GSDMA: variants seen among roughly 807,000 people sequenced by gnomAD.
GSDMA encodes the protein gasdermin A.
In GSDMA, 55 loss-of-function variants were observed where a neutral mutation model predicts 54.3. That is an observed-to-expected ratio of 1.01 (90% CI 0.82 to 1.27). GSDMA has a LOEUF of 1.27. Ranked by LOEUF, GSDMA falls within the 50% of genes most tolerant of loss-of-function variation. The probability of loss-of-function intolerance (pLI) is 0.00; values close to 1 mark genes in which losing one functional copy is unlikely to be tolerated. For missense variants in GSDMA, 542 were observed against 542.6 expected (o/e 1.00, Z 0.01); for synonymous variants, 211 against 224.7 (o/e 0.94, Z 0.54).
At position 39,974,994 on chromosome 17, in the gene GSDMA, A is replaced by G. The variant is rs1323358800; in HGVS notation, c.1001A>G (p.Tyr334Cys). 1 of 1,610,534 alleles carries G rather than the reference A, an allele frequency of 6.2e-7. No individual in the cohort carries two copies. The change falls in exon 10 of 12, where the codon TAT (tyrosine) becomes TGT (cysteine). Residue 334 changes from tyrosine (Y) to cysteine (C), a missense_variant. Physicochemically the swap from Tyr to Cys is radical, Grantham distance 194. Transcript: ENST00000301659. ...LSKEAVGAIL[Y>C]FVGALTELSE... ...AAGGAGGCCGTGGGCGCCATCCTCTATTTCGTTGGAGCCCTAACAGGTAAG... is the reference window on the plus strand; with the variant it reads ...AAGGAGGCCGTGGGCGCCATCCTCTGTTTCGTTGGAGCCCTAACAGGTAAG...
chr17:39,971,670 C>A, intron 5 of GSDMA, 50 bp downstream of exon 5: 3 of 1,374,548 alleles, frequency 2.2e-6, no homozygotes, highest in Non-Finnish European at 3.1e-6. Context: ...TTACCTGCAC[C>A]AGTACTGAGG....
chr17:39,972,238 A>G, intron 6 of GSDMA, 62 bp downstream of exon 6: 1 of 1,127,952 alleles, frequency 8.9e-7, no homozygotes, highest in Non-Finnish European at 1.3e-6. Flanking sequence ...TTATCTGCCA[A>G]AATCCTCCAC....
chr17:39,967,301 G>T (rs1459647061), intron 3 of GSDMA, among the ~76,000 whole-genome samples: 1 of 152,222 alleles, frequency 6.6e-6, no homozygotes, highest in Non-Finnish European at 1.5e-5. Flanking sequence ...TCTGGCTGGG[G>T]AAATAAGGGA....
chr17:39,970,990 A>G (rs996935027), intron 4 of GSDMA, among the ~76,000 whole-genome samples: 2 of 152,254 alleles, frequency 1.3e-5, no homozygotes, highest in African/African-American at 4.8e-5. Context: ...TCAGGTTCAT[A>G]GAGGAGACAC....
chr17:39,965,766 C>T lies in GSDMA; in HGVS notation c.79C>T (p.Leu27Phe), dbSNP rs1410205749. 1.2e-6 allele frequency: 2 copies of T among 1,611,510 alleles called. No individual in the cohort carries two copies. Among genetic ancestry groups the T allele is most frequent in the African/African-American group, 1.3e-5 (1 of 74,980 alleles). ...PRGDLTPLDS[L>F]IDFKRFHPFC... ...AGGGGACCTGACACCACTTGACAGC[C>T]TCATCGACTTCAAGCGCTTCCATCC... Residue 27 changes from leucine to phenylalanine, a missense_variant, in exon 2 of 12, where the codon CTC becomes TTC. Physicochemically the swap from Leu to Phe is conservative, Grantham distance 22. Transcript: ENST00000301659.
At chr17:39,975,638 C>G (rs778141030) in intron 10 of GSDMA, among the ~76,000 whole-genome samples, 5 of 152,158 alleles carry the variant, frequency 3.3e-5, no homozygotes, top group Non-Finnish European at 7.4e-5. Context: ...CAGGGAGTAA[C>G]ATTTTCTTAT....
chr17:39,973,712 G>A, intron 7 of GSDMA, 98 bp from the exon 8 acceptor site: 1 of 964,002 alleles, frequency 1.0e-6, no homozygotes, highest in Admixed American at 2.2e-5. Context: ...AGACAGGCAG[G>A]ATGTATTTCC....
Position 39,965,742 on chromosome 17 carries a change from G to A in GSDMA, c.55G>A (p.Gly19Arg). The A allele has an allele frequency of 6.2e-7, 1 of 1,611,780 alleles. No homozygotes were observed. The highest frequency in any genetic ancestry group is 1.7e-5 in the Admixed American group (1 of 59,718). The change falls in exon 2 of 12, where the codon GGG becomes AGG. Residue 19 changes from glycine (G) to arginine (R), a missense_variant. Coordinates refer to ENST00000301659, the MANE Select transcript of GSDMA (RefSeq NM_178171.5). ...CCTGGCCAGACAGCTAAACCCTCGAGGGGACCTGACACCACTTGACAGCCT... is the reference window on the plus strand; with the variant it reads ...CCTGGCCAGACAGCTAAACCCTCGAAGGGACCTGACACCACTTGACAGCCT... ...RALARQLNPR[G>R]DLTPLDSLID... is the part of the protein sequence containing the mutation.
At chr17:39,975,379 G>C (rs1459408721) in intron 10 of GSDMA, among the ~76,000 whole-genome samples, 2 of 152,028 alleles carry the variant, frequency 1.3e-5, no homozygotes, top group African/African-American at 4.8e-5. Context: ...AACCCAGGAG[G>C]GGGAGGGTGC....
chr17:39,973,197 T>A (rs1980038219), intron 7 of GSDMA, among the ~76,000 whole-genome samples: 1 of 151,902 alleles, frequency 6.6e-6, no homozygotes, highest in East Asian at 1.9e-4. Flanking sequence ...GGTCTTGAAC[T>A]CCTGACCTCA....
chr17:39,971,356 TTTGAAGTC>T (rs1156812092), intron 4 of GSDMA, among the ~76,000 whole-genome samples, 160 bp from the exon 5 acceptor site: 2 of 152,120 alleles, frequency 1.3e-5, no homozygotes, highest in Non-Finnish European at 1.5e-5. Flanking sequence ...GCACAAGGAC[TTTGAAGTC>T]CTTCCTCAGA....
chr17:39,976,687 T>G, intron 11 of GSDMA, 129 bp from the exon 12 acceptor site: 1 of 1,222,764 alleles, frequency 8.2e-7, no homozygotes. Flanking sequence ...AAGACCCAGA[T>G]GGGGTTGTAA....
chr17:39,965,111 C>T (rs1472108942), intron 1 of GSDMA, among the ~76,000 whole-genome samples: 1 of 150,456 alleles, frequency 6.6e-6, no homozygotes, highest in Non-Finnish European at 1.5e-5. Flanking sequence ...CAGAGTAAGA[C>T]CCTGTCTCGG....
chr17:39,976,224 G>C (rs552975054), intron 11 of GSDMA, among the ~76,000 whole-genome samples: 1 of 152,068 alleles, frequency 6.6e-6, no homozygotes, highest in East Asian at 1.9e-4. Flanking sequence ...GATCTTGGGA[G>C]AAGAGACAGA....
intron 4 of GSDMA, among the ~76,000 whole-genome samples, 166 bp from the exon 5 acceptor site, chr17:39,971,358 T>C (rs933160895): frequency 1.3e-5 from 2 of 152,174 alleles, no homozygotes; most frequent in African/African-American, 4.8e-5. Flanking sequence ...ACAAGGACTT[T>C]GAAGTCCTTC....
chr17:39,976,369 C>T (rs534064312), intron 11 of GSDMA, among the ~76,000 whole-genome samples: 1 of 151,858 alleles, frequency 6.6e-6, no homozygotes, highest in Non-Finnish European at 1.5e-5. Flanking sequence ...ACCTCCGCCT[C>T]CCGGGTTCAA....
Position 39,970,621 on chromosome 17 carries a change from C to A in GSDMA, c.532C>A (p.Pro178Thr). The A allele has an allele frequency of 6.4e-7, 1 of 1,563,036 alleles. No individual in the cohort carries two copies. Among genetic ancestry groups the A allele is most frequent in the Non-Finnish European group, 8.7e-7 (1 of 1,155,004 alleles). The change falls in exon 4 of 12, where the codon CCC (proline) becomes ACC (threonine). Residue 178 changes from proline to threonine, a missense_variant. Transcript: ENST00000301659. ...AGKAEACFSL[P>T]FFAPLGLQGS... The stretch of plus-strand genomic sequence containing the variant: ...CAAGGCAGAGGCCTGCTTCTCCCTC[C>A]CCTTCTTCGCCCCATTGGGGCTACA...
chr17:39,974,469 G>A (rs1361666036), intron 9 of GSDMA, 42 bp downstream of exon 9: 4 of 1,449,966 alleles, frequency 2.8e-6, no homozygotes, highest in Non-Finnish European at 3.7e-6. Context: ...GAGAAGGCAT[G>A]TTTTGGTGAA....
In GSDMA at chr17:39,970,523, A is replaced by T. The variant is rs1276049904; in HGVS notation, c.434A>T (p.Asp145Val). The T allele has an allele frequency of 6.3e-7, 1 of 1,597,526 alleles. No individual in the cohort carries two copies. Among genetic ancestry groups the T allele is most frequent in the Non-Finnish European group, 8.5e-7 (1 of 1,171,368 alleles). The change falls in exon 4 of 12, where the codon GAT (aspartate) becomes GTT (valine). Residue 145 changes from aspartate (D) to valine (V), a missense_variant. Physicochemically the swap from Asp to Val is radical, Grantham distance 152. Coordinates refer to ENST00000301659, the MANE Select transcript of GSDMA (RefSeq NM_178171.5). ...ADHPFLKEMQ[D>V]QGENLYVVME... ...CACCCATTCCTGAAGGAGATGCAAG[A>T]TCAAGGGGAGAACCTGTATGTGGTG...
Sources: gnomAD v4.1 joint callset for allele counts (sites outside exome capture counted in the v4.1 genomes callset) on GRCh38, gnomAD v4.1.1 for gene constraint, MANE v1.5 for transcripts, NCBI Gene and HGNC (gene_info 2026-07-23, HGNC 2026-07-21) for gene names.